OSBP: variants seen among roughly 807,000 people sequenced by gnomAD.
OSBP encodes oxysterol-binding protein 1.
OSBP carries 32 observed loss-of-function variants against 96.6 expected under a neutral mutation model. The observed-to-expected ratio is 0.33, with a 90% confidence interval of 0.25 to 0.45. The LOEUF is 0.45. Ranked by LOEUF, OSBP falls within the 20% of genes least tolerant of loss-of-function variation. The pLI is 1.00. For synonymous variants in OSBP, 369 were observed against 389.6 expected (o/e 0.95, Z 0.62); for missense variants, 653 against 1,029.7 (o/e 0.63, Z 5.01).
Position 59,601,286 on chromosome 11 carries a change from T to A in OSBP, c.1121A>T (p.His374Leu), listed in dbSNP as rs746499770. The A allele has an allele frequency of 6.3e-7, 1 of 1,590,420 alleles. No homozygotes were observed. The part of the protein sequence containing the change: ...EIITMPENLG[H>L]KRTGSNISGA... ...TCAACAATCAAGGATAACTCACTTG[T>A]GGCCCAAATTTTCAGGCATGGTGAT... Residue 374 changes from histidine to leucine, a missense_variant, in exon 5 of 14, where the codon CAC (histidine) becomes CTC (leucine). By Grantham distance (99) the His-to-Leu change is moderately conservative. This residue lies in a region of OSBP where 308 missense variants were observed against 573.1 expected (regional missense o/e 0.54). Coordinates refer to ENST00000263847, the MANE Select transcript of OSBP (RefSeq NM_002556.3).
intron 9 of OSBP, among the ~76,000 whole-genome samples, chr11:59,592,084 A>G (rs990499008): frequency 2.0e-5 from 3 of 152,192 alleles, no homozygotes; most frequent in Non-Finnish European, 4.4e-5. Context: ...ATCACATTGC[A>G]ATACGGCCAC....
intron 4 of OSBP, 114 bp downstream of exon 4, chr11:59,601,526 C>T: frequency 8.6e-7 from 1 of 1,167,014 alleles, no homozygotes; most frequent in East Asian, 2.3e-5. Context: ...TCAATGGGTT[C>T]CAATTCCATT....
At chr11:59,593,498 G>A (rs1860610583) in intron 9 of OSBP, 106 bp downstream of exon 9, 1 of 1,286,746 alleles carries the variant, frequency 7.8e-7, no homozygotes, top group East Asian at 2.3e-5. Context: ...GTCAGTGCTC[G>A]AATCAGACCT....
intron 6 of OSBP, 74 bp from the exon 7 acceptor site, chr11:59,600,701 C>A: frequency 6.4e-7 from 1 of 1,567,472 alleles, no homozygotes; most frequent in Non-Finnish European, 8.6e-7. Context: ...TCCCTTCCCC[C>A]GTGCTAAAAA....
chr11:59,597,311 C>T (rs894513059), intron 7 of OSBP, among the ~76,000 whole-genome samples: 1 of 152,038 alleles, frequency 6.6e-6, no homozygotes, highest in Non-Finnish European at 1.5e-5. Context: ...TCCCAAAGTG[C>T]TGGGATTTTT....
At chr11:59,608,337 G>T in intron 3 of OSBP, 147 bp downstream of exon 3, 1 of 938,630 alleles carries the variant, frequency 1.1e-6, no homozygotes. Flanking sequence ...ATTTCATGCA[G>T]TAAACAATGT....
rs80049069 is a variant in OSBP, at chr11:59,600,740, C to T, written c.1179+79G>A. On this transcript the variant is annotated intron_variant, in intron 6 of 13. Transcript: ENST00000263847. ...AAAAAAAAATCAGTTTCTCTTAGCA[C>T]TTCACAAAAAAAAAAAAAAAATCCT... 0.043 allele frequency: 62,384 copies of T among 1,444,896 alleles called. 1,558 individuals carry two copies. Among genetic ancestry groups the T allele is most frequent in the Non-Finnish European group, 0.047 (49,542 of 1,044,954 alleles). 89.5% of individuals were successfully genotyped at this position (1,444,896 alleles called of 1,614,324 possible).
chr11:59,601,252 T>C, intron 5 of OSBP, 31 bp downstream of exon 5: 1 of 1,225,190 alleles, frequency 8.2e-7, no homozygotes, highest in Non-Finnish European at 1.2e-6. Context: ...GAAGATATGT[T>C]TATTTGCTTC....
chr11:59,582,360 C>A (rs928860885), intron 9 of OSBP, among the ~76,000 whole-genome samples: 8 of 152,124 alleles, frequency 5.3e-5, no homozygotes, highest in African/African-American at 1.9e-4. Flanking sequence ...AATAATGAAG[C>A]CCTGCTAAAA....
rs764560548 is a variant in OSBP, at chr11:59,576,307, G to A, written c.*270C>T. The A allele has an allele frequency of 4.0e-4, 144 of 363,992 alleles. No individual in the cohort carries two copies. Among genetic ancestry groups the A allele is most frequent in the African/African-American group, 2.6e-3 (125 of 47,846 alleles). 22.5% of individuals were successfully genotyped at this position (363,992 alleles called of 1,614,324 possible). On this transcript the variant is annotated 3_prime_UTR_variant, in exon 14 of 14. Transcript: ENST00000263847. ...AGAAGAGCCAAGAATACTTGACTTC[G>A]TGGATGTGGAATAACACTAACCTTC...
At chr11:59,600,070 T>C (rs574497752) in intron 7 of OSBP, among the ~76,000 whole-genome samples, 54 of 152,338 alleles carry the variant, frequency 3.5e-4, no homozygotes, top group African/African-American at 1.3e-3. Context: ...TCTGTCTGGT[T>C]TGAATGAGCG....
rs1435810910 is a variant in OSBP at position 59,576,249 on chromosome 11, G to C, written c.*328C>G. ...GCAGGATACTACAAGGGGAGGGTGAGTGACATTGTCTTAAATGGGGGCAGA... is the reference window on the plus strand; with the variant it reads ...GCAGGATACTACAAGGGGAGGGTGACTGACATTGTCTTAAATGGGGGCAGA... On this transcript the variant is annotated 3_prime_UTR_variant, in exon 14 of 14. Transcript: ENST00000263847. 1 of 235,426 alleles carries C rather than the reference G, an allele frequency of 4.2e-6. No individual in the cohort carries two copies. Among genetic ancestry groups the C allele is most frequent in the Non-Finnish European group, 8.2e-6 (1 of 122,170 alleles). The allele number at this position is 235,426 out of a possible 1,614,324, so 14.6% of individuals were successfully genotyped here. A position where few individuals can be genotyped will look rare whatever the true frequency, so the allele number is the denominator to read the frequency against.
Position 59,593,613 on chromosome 11 carries a change from T to A in OSBP, c.1669A>T (p.Met557Leu). The A allele has an allele frequency of 6.2e-7, 1 of 1,613,950 alleles. No homozygotes were observed. Among genetic ancestry groups the A allele is most frequent in the Non-Finnish European group, 8.5e-7 (1 of 1,179,902 alleles). Residue 557 changes from methionine (M) to leucine (L), a missense_variant, in exon 9 of 14, where the codon ATG becomes TTG. Met to Leu is a conservative substitution (Grantham distance 15, BLOSUM62 2). Transcript: ENST00000263847. ...SKFRGKYLSI[M>L]PLGTIHCIFH... The stretch of plus-strand genomic sequence containing the variant: ...AAGATGGTAACCTTACCGAGGGGCA[T>A]AATGGAGAGGTATTTGCCTCGAAAC...
intron 9 of OSBP, among the ~76,000 whole-genome samples, chr11:59,588,991 C>A (rs1021554446): frequency 6.6e-6 from 1 of 150,994 alleles, no homozygotes; most frequent in African/African-American, 2.4e-5. Context: ...GGTGACAGAG[C>A]GAGACTCCGT....
chr11:59,585,543 T>TG (rs1479685178), intron 9 of OSBP, among the ~76,000 whole-genome samples: 2 of 144,418 alleles, frequency 1.4e-5, no homozygotes, highest in African/African-American at 5.3e-5. Flanking sequence ...GGAGGGAGGT[T>TG]GGGGGGGTCA....
rs546537289 is a variant in OSBP, at chr11:59,608,547, T to C, written c.759A>G (p.Glu253=). 3 of 1,614,128 alleles carry C rather than the reference T, an allele frequency of 1.9e-6. No individual in the cohort carries two copies. Among genetic ancestry groups the C allele is most frequent in the East Asian group, 4.5e-5 (2 of 44,880 alleles). ...CTCGTTCGTTGACCTGTTTGATCTT[T>C]TCATTGCTCTCAGCAGGCAACTTCA... ...ESLKLPAESN[E]KIKQVNERAT... Residue 253 remains glutamate, a synonymous_variant, in exon 3 of 14, where the codon GAA becomes GAG. Coordinates refer to ENST00000263847, the MANE Select transcript of OSBP (RefSeq NM_002556.3).
At chr11:59,611,123 G>A (rs1263984494) in intron 1 of OSBP, among the ~76,000 whole-genome samples, 19 of 104,136 alleles carry the variant, frequency 1.8e-4, no homozygotes, top group African/African-American at 7.1e-4. Context: ...CAACAAGAGC[G>A]AAACTCCGTC....
At chr11:59,585,372 CTGAGAAGTGAGGAGACCT>C (rs1860485814) in intron 9 of OSBP, among the ~76,000 whole-genome samples, 3 of 39,384 alleles carry the variant, frequency 7.6e-5, no homozygotes, top group Non-Finnish European at 1.6e-4. Context: ...GCCGCCCCGT[CTGAGAAGTGAGGAGACCT>C]CGCCCGGCAA....
At position 59,576,430 on chromosome 11, in the gene OSBP, C is replaced by A; in HGVS notation, c.*147G>T. The A allele has an allele frequency of 1.1e-6, 1 of 888,388 alleles. No homozygotes were observed. Among genetic ancestry groups the A allele is most frequent in the East Asian group, 2.4e-5 (1 of 40,914 alleles). The allele number at this position is 888,388 out of a possible 1,614,324, so 55.0% of individuals were successfully genotyped here. On this transcript the variant is annotated 3_prime_UTR_variant, in exon 14 of 14. Coordinates refer to ENST00000263847, the MANE Select transcript of OSBP (RefSeq NM_002556.3). Reference sequence around the variant, plus strand: ...AGCCAATCACCACCACTGGTGTCTCCTTCTGGTGATTGATTTGGAAAAAAT... The same window carrying A: ...AGCCAATCACCACCACTGGTGTCTCATTCTGGTGATTGATTTGGAAAAAAT...
Sources: allele counts gnomAD v4.1 joint callset (sites outside exome capture counted in the v4.1 genomes callset), GRCh38; gene constraint gnomAD v4.1.1; regional missense constraint gnomAD v4.1.1; transcripts MANE v1.5; gene names NCBI Gene and HGNC (gene_info 2026-07-23, HGNC 2026-07-21).